SMTNL1: variants seen among roughly 807,000 people sequenced by gnomAD.
The protein encoded by SMTNL1 is smoothelin-like protein 1.
Under a neutral mutation model 46.6 loss-of-function variants are expected in SMTNL1, and 41 were observed. That is an observed-to-expected ratio of 0.88 (90% CI 0.69 to 1.14). SMTNL1 has a LOEUF of 1.14. SMTNL1 is among the 50% of genes most tolerant of loss of function. The probability of loss-of-function intolerance (pLI) is 0.00; values close to 1 mark genes in which losing one functional copy is unlikely to be tolerated. For missense variants in SMTNL1, 591 were observed against 626.1 expected (o/e 0.94, Z 0.60); for synonymous variants, 234 against 234.2 (o/e 1.00, Z 0.01).
At chr11:57,547,593 C>A (rs1417488747) in intron 7 of SMTNL1, among the ~76,000 whole-genome samples, 1 of 151,858 alleles carries the variant, frequency 6.6e-6, no homozygotes, top group Non-Finnish European at 1.5e-5. Context: ...CTGCCCATTC[C>A]AGAACTCTCC....
rs1471860951 is a variant in SMTNL1, at chr11:57,545,971, A to G, written c.1008A>G (p.Ser336=). The change falls in exon 5 of 8, where the codon TCA becomes TCG. Residue 336 remains serine (S), a synonymous_variant. Coordinates refer to ENST00000527972, the MANE Select transcript of SMTNL1 (RefSeq NM_001105565.3). ...KKEKAPERRV[S]APARPRGPRA... ...AGAAGGCACCAGAGCGCAGGGTATC[A>G]GCCCCTGCTCGGCCCCGGGGGCCCC... 3 of 1,612,152 alleles carry G rather than the reference A, an allele frequency of 1.9e-6. No homozygotes were observed. Among genetic ancestry groups the G allele is most frequent in the South Asian group, 1.1e-5 (1 of 90,936 alleles).
At chr11:57,541,350 AT>A (rs1198471185) in intron 1 of SMTNL1, among the ~76,000 whole-genome samples, 1 of 152,092 alleles carries the variant, frequency 6.6e-6, no homozygotes, top group Non-Finnish European at 1.5e-5. Context: ...CCTGAGCCCT[AT>A]TTGGGGATTG....
intron 4 of SMTNL1, 68 bp from the exon 5 acceptor site, chr11:57,545,813 G>GC: frequency 2.4e-6 from 2 of 841,718 alleles, no homozygotes; most frequent in Admixed American, 5.0e-5. Context: ...CAGCCCCACA[G>GC]CCCCCTCCCT....
intron 7 of SMTNL1, among the ~76,000 whole-genome samples, chr11:57,547,165 G>A (rs1240880279): frequency 6.6e-6 from 1 of 152,158 alleles, no homozygotes; most frequent in Non-Finnish European, 1.5e-5. Context: ...AAAAATGAAA[G>A]GGAAACTTGC....
In SMTNL1 at chr11:57,545,926, T is replaced by A. The variant is rs1354893861; in HGVS notation, c.963T>A (p.Pro321=). Residue 321 remains proline, a synonymous_variant, in exon 5 of 8, where the codon CCT becomes CCA. Transcript: ENST00000527972. ...SDVPQSPPES[P]SSGEKKEKAP... ...TGCCCCAGAGTCCCCCTGAGTCCCCTTCCTCAGGGGAGAAGAAGGAGAAGG... is the reference window on the plus strand; with the variant it reads ...TGCCCCAGAGTCCCCCTGAGTCCCCATCCTCAGGGGAGAAGAAGGAGAAGG... 5.0e-6 allele frequency: 8 copies of A among 1,613,572 alleles called. No individual in the cohort carries two copies. The South Asian group carries it at 8.8e-5, about 18-fold the overall frequency.
chr11:57,547,726 G>A (rs937617009), intron 7 of SMTNL1, among the ~76,000 whole-genome samples: 6 of 152,230 alleles, frequency 3.9e-5, no homozygotes, highest in East Asian at 3.9e-4. Context: ...CCTCTCCCAC[G>A]TAGAGGGACA....
At chr11:57,543,508 G>A (rs1336891416) in intron 2 of SMTNL1, 116 bp from the exon 3 acceptor site, 7 of 1,516,212 alleles carry the variant, frequency 4.6e-6, no homozygotes, top group East Asian at 2.4e-5. Context: ...GGGGGAGGGG[G>A]GACAAGGAGT....
chr11:57,545,796 C>A, intron 4 of SMTNL1, 85 bp from the exon 5 acceptor site: 3 of 1,256,128 alleles, frequency 2.4e-6, no homozygotes, highest in South Asian at 1.4e-5. Context: ...CAGTGCCACC[C>A]ACCCTCCAGC....
chr11:57,539,180 C>G (rs964453692), intron 1 of SMTNL1, among the ~76,000 whole-genome samples: 3 of 151,984 alleles, frequency 2.0e-5, no homozygotes, highest in Middle Eastern at 3.4e-3. Flanking sequence ...GAGACCCCAT[C>G]TCTATAAAAA....
In SMTNL1 at chr11:57,550,199, C is replaced by A; in HGVS notation, c.*87C>A. 1 of 1,401,030 alleles carries A rather than the reference C, an allele frequency of 7.1e-7. No homozygotes were observed. The highest frequency in any genetic ancestry group is 1.4e-5 in the South Asian group (1 of 70,694). 86.8% of individuals were successfully genotyped at this position (1,401,030 alleles called of 1,614,324 possible). A position where few individuals can be genotyped will look rare whatever the true frequency, so the allele number is the denominator to read the frequency against. Reference sequence around the variant, plus strand: ...GGGGTTCCCTTCTGCTCCATGGAGGCACCAGAGCCAGGGGCTTAGGCAAGG... The same window carrying A: ...GGGGTTCCCTTCTGCTCCATGGAGGAACCAGAGCCAGGGGCTTAGGCAAGG... On this transcript the variant is annotated 3_prime_UTR_variant, in exon 8 of 8. Coordinates refer to ENST00000527972, the MANE Select transcript of SMTNL1 (RefSeq NM_001105565.3).
chr11:57,539,869 A>T (rs1416174730), intron 1 of SMTNL1, among the ~76,000 whole-genome samples: 2 of 152,198 alleles, frequency 1.3e-5, no homozygotes, highest in Non-Finnish European at 2.9e-5. Flanking sequence ...CACAGAGAGG[A>T]TGGATAGCTT....
chr11:57,543,595 T>C (rs1269340371), intron 2 of SMTNL1, 29 bp from the exon 3 acceptor site: 13 of 1,600,382 alleles, frequency 8.1e-6, no homozygotes, highest in Middle Eastern at 3.9e-4. Context: ...TGTGTGACCA[T>C]GAGCTCACGC....
In SMTNL1 at chr11:57,543,311, G is replaced by A; in HGVS notation, c.669G>A (p.Glu223=). The A allele has an allele frequency of 1.2e-6, 2 of 1,613,964 alleles. No homozygotes were observed. Among genetic ancestry groups the A allele is most frequent in the East Asian group, 2.2e-5 (1 of 44,876 alleles). ...CCAAGGAGCCCGATGGGAAAGAGGA[G>A]GCCAAACATGGTGCAAAAGAGGAGG... The part of the protein sequence containing the change: ...AEPKEPDGKE[E]AKHGAKEEAD... Residue 223 remains glutamate, a synonymous_variant, in exon 2 of 8, where the codon GAG becomes GAA. Coordinates refer to ENST00000527972, the MANE Select transcript of SMTNL1 (RefSeq NM_001105565.3).
At position 57,542,727 on chromosome 11, in the gene SMTNL1, G is replaced by C. The variant is rs368471316; in HGVS notation, c.85G>C (p.Ala29Pro). 3.1e-5 allele frequency: 50 copies of C among 1,613,814 alleles called. No individual in the cohort carries two copies. Among genetic ancestry groups the C allele is most frequent in the Middle Eastern group, 1.6e-4 (1 of 6,084 alleles). The change falls in exon 2 of 8, where the codon GCC becomes CCC. Residue 29 changes from alanine (A) to proline (P), a missense_variant. Coordinates refer to ENST00000527972, the MANE Select transcript of SMTNL1 (RefSeq NM_001105565.3). ...CAACCCTGAGATGTCAGGAGGTGGA[G>C]CCCCTGCAGAGGAGACCAAAGGCAC... ...ADNPEMSGGGAPAEETKGTAG... is the reference protein window; with the variant it reads ...ADNPEMSGGGPPAEETKGTAG...
At chr11:57,546,163 A>C in intron 5 of SMTNL1, 70 bp from the exon 6 acceptor site, 1 of 1,506,272 alleles carries the variant, frequency 6.6e-7, no homozygotes. Context: ...GGGGCTGGGG[A>C]TCCTCCCAGT....
intron 7 of SMTNL1, 96 bp downstream of exon 7, chr11:57,546,748 G>T: frequency 1.4e-6 from 2 of 1,412,400 alleles, no homozygotes; most frequent in Non-Finnish European, 1.9e-6. Context: ...ACCGATGCTG[G>T]TGCCACACAT....
intron 1 of SMTNL1, among the ~76,000 whole-genome samples, chr11:57,538,665 G>T (rs1327930554): frequency 6.6e-6 from 1 of 152,128 alleles, no homozygotes; most frequent in African/African-American, 2.4e-5. Context: ...GTGGAAGTTG[G>T]GATACTTGGA....
Position 57,546,504 on chromosome 11 carries a change from G to T in SMTNL1, c.1192G>T (p.Val398Leu). Residue 398 changes from valine to leucine, a missense_variant, in exon 7 of 8, where the codon GTG (valine) becomes TTG (leucine). Physicochemically the swap from Val to Leu is conservative, Grantham distance 32. Transcript: ENST00000527972. ...CRAMTKKYEH[V>L]DIQNFSSSWS... Reference sequence around the variant, plus strand: ...CTCTGTGCCCTGCCTGCCATAGCATGTGGACATCCAGAACTTCTCCTCCAG... The same window carrying T: ...CTCTGTGCCCTGCCTGCCATAGCATTTGGACATCCAGAACTTCTCCTCCAG... 1 of 1,614,178 alleles carries T rather than the reference G, an allele frequency of 6.2e-7. No homozygotes were observed. Among genetic ancestry groups the T allele is most frequent in the Non-Finnish European group, 8.5e-7 (1 of 1,180,006 alleles).
chr11:57,542,874 GT>G lies in SMTNL1; in HGVS notation c.233del (p.Val78GlyfsTer34). 2 of 1,612,178 alleles carry G rather than the reference GT, an allele frequency of 1.2e-6. No homozygotes were observed. The highest frequency in any genetic ancestry group is 2.2e-5 in the East Asian group (1 of 44,868). The part of the protein sequence containing the change: ...GEANGLDEVK[V>X]ESQREAGGKE... ...AGCAAATGGATTAGATGAGGTCAAA[GT>G]GGAATCTCAGAGGGAGGCTGGTGGG... On this transcript the variant is annotated frameshift_variant, in exon 2 of 8. Transcript: ENST00000527972. LOFTEE classifies it high-confidence loss of function.
Sources: allele counts gnomAD v4.1 joint callset (sites outside exome capture counted in the v4.1 genomes callset), GRCh38; gene constraint gnomAD v4.1.1; transcripts MANE v1.5; gene names NCBI Gene and HGNC (gene_info 2026-07-23, HGNC 2026-07-21).